Variants in CAMTA1 observed in about 807,000 individuals in gnomAD.
CAMTA1 encodes calmodulin binding transcription activator 1.
In CAMTA1, 27 loss-of-function variants were observed where a neutral mutation model predicts 170.9. The observed-to-expected ratio is 0.16, with a 90% confidence interval of 0.12 to 0.22. The LOEUF (loss-of-function observed/expected upper bound fraction) is 0.22, where lower values mean the gene tolerates loss of function less well. CAMTA1 is among the 10% of genes least tolerant of loss of function. The pLI is 1.00. For synonymous variants in CAMTA1, 833 were observed against 891.5 expected, an observed-to-expected ratio of 0.93 and a Z score of 1.17; for missense variants, 1,619 against 2,217.2, an observed-to-expected ratio of 0.73 and a Z score of 5.42.
rs185252748 is a variant in CAMTA1 at position 7,648,760 on chromosome 1, G to A, written c.664+8207G>A. Among the ~76,000 whole-genome samples, 3 of 152,358 alleles carry A rather than the reference G, an allele frequency of 2.0e-5. No individual in the cohort carries two copies. The East Asian group carries it at 5.8e-4, about 29-fold the overall frequency. On this transcript the variant is annotated intron_variant, in intron 7 of 22. Transcript: ENST00000303635. ...GGTTCCCCCTCAGAACCACCTGGGA[G>A]GGGCTGAAAGGCAGGCCCTTCCCCA...
chr1:6,926,844 C>T (rs1683381182), intron 3 of CAMTA1, among the ~76,000 whole-genome samples: 1 of 151,862 alleles, frequency 6.6e-6, no homozygotes, highest in Non-Finnish European at 1.5e-5. Flanking sequence ...GATCCTCCGA[C>T]CTCAACCTCC....
intron 4 of CAMTA1, among the ~76,000 whole-genome samples, chr1:7,130,871 A>G (rs1182113385): frequency 1.3e-5 from 2 of 152,248 alleles, no homozygotes; most frequent in Non-Finnish European, 2.9e-5. Context: ...ACTGAGTTGT[A>G]AAAGTTCTTT....
chr1:7,688,011 C>CT (rs70987364), intron 11 of CAMTA1, among the ~76,000 whole-genome samples: 2,640 of 103,288 alleles, frequency 0.026, 121 homozygotes, highest in African/African-American at 0.039. Context: ...CTCATTATTC[C>CT]TTTTTTTTTT....
chr1:7,654,120 C>T (rs1293090481), intron 7 of CAMTA1, among the ~76,000 whole-genome samples: 1 of 152,076 alleles, frequency 6.6e-6, no homozygotes, highest in Non-Finnish European at 1.5e-5. Context: ...GTGGCTCACA[C>T]CTGTAATCCC....
chr1:7,280,231 T>C (rs1232687655), intron 5 of CAMTA1, among the ~76,000 whole-genome samples: 1 of 152,200 alleles, frequency 6.6e-6, no homozygotes. Context: ...CTTTGCCCCA[T>C]CTGGCTCGCC....
chr1:7,519,697 C>T (rs980726233), intron 6 of CAMTA1, among the ~76,000 whole-genome samples: 3 of 151,820 alleles, frequency 2.0e-5, no homozygotes, highest in Admixed American at 6.6e-5. Context: ...CCCCCTCCCT[C>T]AGTAGAGGTG....
chr1:7,492,594 C>T (rs919960176), intron 6 of CAMTA1, among the ~76,000 whole-genome samples: 1 of 132,424 alleles, frequency 7.6e-6, no homozygotes, highest in Admixed American at 7.3e-5. Context: ...CATACACACA[C>T]GCGTGCACAC....
At chr1:7,040,125 A>C (rs966795642) in intron 3 of CAMTA1, among the ~76,000 whole-genome samples, 5 of 149,788 alleles carry the variant, frequency 3.3e-5, no homozygotes, top group African/African-American at 7.4e-5. Flanking sequence ...CCACAGCCCC[A>C]CCTTTCAAGT....
chr1:6,811,280 C>T (rs949967561), intron 1 of CAMTA1, among the ~76,000 whole-genome samples: 1 of 152,164 alleles, frequency 6.6e-6, no homozygotes, highest in Admixed American at 6.5e-5. Flanking sequence ...AGGTATTAAA[C>T]GGTGCTACCT....
At chr1:6,978,960 C>T (rs1333185103) in intron 3 of CAMTA1, among the ~76,000 whole-genome samples, 3 of 152,098 alleles carry the variant, frequency 2.0e-5, no homozygotes, top group Non-Finnish European at 4.4e-5. Flanking sequence ...GTGGATGCAT[C>T]GTGAACAGGC....
chr1:7,335,124 T>TTGTGTGTG (rs577353689), intron 5 of CAMTA1, among the ~76,000 whole-genome samples: 452 of 19,162 alleles, frequency 0.024, 83 homozygotes, highest in Non-Finnish European at 0.031. Context: ...AGCACAGCTT[T>TTGTGTGTG]TGTGTGTGTG....
intron 3 of CAMTA1, among the ~76,000 whole-genome samples, chr1:6,915,943 C>T (rs370054797): frequency 6.6e-6 from 1 of 152,152 alleles, no homozygotes; most frequent in African/African-American, 2.4e-5. Flanking sequence ...GGGGTCTGTG[C>T]ATTAGGAGCC....
chr1:7,473,019 A>T (rs1348745390), intron 6 of CAMTA1, among the ~76,000 whole-genome samples: 1 of 152,204 alleles, frequency 6.6e-6, no homozygotes, highest in African/African-American at 2.4e-5. Flanking sequence ...GGCAGGATCC[A>T]GGCTTCCCCA....
At chr1:7,691,049 G>T (rs909999819) in intron 11 of CAMTA1, among the ~76,000 whole-genome samples, 2 of 152,226 alleles carry the variant, frequency 1.3e-5, no homozygotes, top group African/African-American at 2.4e-5. Context: ...CCGTCCAGGG[G>T]AGGAAACATC....
chr1:7,039,097 G>A (rs1397123592), intron 3 of CAMTA1, among the ~76,000 whole-genome samples: 2 of 152,106 alleles, frequency 1.3e-5, no homozygotes, highest in African/African-American at 4.8e-5. Flanking sequence ...TATGCCAAGG[G>A]TCATAGCAAA....
At chr1:7,526,722 G>T (rs1481014047) in intron 6 of CAMTA1, among the ~76,000 whole-genome samples, 2 of 152,188 alleles carry the variant, frequency 1.3e-5, no homozygotes, top group African/African-American at 4.8e-5. Context: ...CTGCGTTCTA[G>T]CAGTGAGCCT....
chr1:7,706,994 C>T (rs988507059), intron 11 of CAMTA1, among the ~76,000 whole-genome samples: 11 of 148,150 alleles, frequency 7.4e-5, no homozygotes, highest in African/African-American at 2.5e-4. Context: ...TCAAGTGATT[C>T]TCCTGCCTCA....
chr1:6,986,403 G>A (rs972354398), intron 3 of CAMTA1, among the ~76,000 whole-genome samples: 10 of 152,204 alleles, frequency 6.6e-5, no homozygotes, highest in African/African-American at 2.4e-4. Flanking sequence ...GGCTCACTGG[G>A]CAGAGAAGGG....
intron 6 of CAMTA1, among the ~76,000 whole-genome samples, chr1:7,476,016 G>C (rs2093414745): frequency 6.6e-6 from 1 of 152,238 alleles, no homozygotes; most frequent in Non-Finnish European, 1.5e-5. Context: ...AGAAGGGCAA[G>C]AGAAAGGTTG....
Sources: allele counts gnomAD v4.1 joint callset (sites outside exome capture counted in the v4.1 genomes callset), GRCh38; gene constraint gnomAD v4.1.1; transcripts MANE v1.5; gene names NCBI Gene and HGNC (gene_info 2026-07-23, HGNC 2026-07-21).